Variants in ZNF469 observed in about 807,000 individuals in gnomAD.
The protein encoded by ZNF469 is zinc finger protein 469.
In ZNF469, 1 loss-of-function variant was observed where a neutral mutation model predicts 1.0. The observed-to-expected ratio is 1.00, with a 90% CI of 0.35 to 4.73. The LOEUF (loss-of-function observed/expected upper bound fraction) is 4.73. ZNF469 is among the 30% of genes most tolerant of loss of function. The pLI is 0.16. For synonymous variants in ZNF469, 2,703 were observed against 2,363.4 expected, an observed-to-expected ratio of 1.14 and a Z score of -4.17; for missense variants, 6,100 against 5,356.3, an observed-to-expected ratio of 1.14 and a Z score of -4.33.
At position 88,428,602 on chromosome 16, in the gene ZNF469, A is replaced by G. The variant is rs1261852925; in HGVS notation, c.1132A>G (p.Lys378Glu). ...TGACAGTTTACACAAGAGCCTGACC[A>G]AAATCCTTCCCGAAAGACCACCTTC... ...FSDSLHKSLT[K>E]ILPERPPSAQ... The change falls in exon 3 of 3, where the codon AAA becomes GAA. Residue 378 changes from lysine (K) to glutamate (E), a missense_variant. Coordinates refer to ENST00000565624, the MANE Select transcript of ZNF469 (RefSeq NM_001367624.2). The G allele has an allele frequency of 1.0e-5, 16 of 1,550,006 alleles. No homozygotes were observed. Among genetic ancestry groups the G allele is most frequent in the Non-Finnish European group, 1.4e-5 (16 of 1,146,834 alleles).
the ZNF469 span, among the ~76,000 whole-genome samples, chr16:88,358,328 G>C: frequency 1.3e-5 from 2 of 152,220 alleles, no homozygotes; most frequent in African/African-American, 4.8e-5. Context: ...CTTCCCACCC[G>C]GCCTCCAGGG....
In ZNF469 at chr16:88,427,487, C is replaced by T; in HGVS notation, c.17C>T (p.Pro6Leu). ...GGAGGGGCCATGCCTGGGGAGCGCC[C>T]CCGAGGAGCGCCGCCCCCCACCATG... MPGER[P>L]RGAPPPTMTG... The change falls in exon 3 of 3, where the codon CCC (proline) becomes CTC (leucine). Residue 6 changes from proline (P) to leucine (L), a missense_variant. Physicochemically the swap from Pro to Leu is moderately conservative, Grantham distance 98. Transcript: ENST00000565624. 1 of 1,524,408 alleles carries T rather than the reference C, an allele frequency of 6.6e-7. No homozygotes were observed. Among genetic ancestry groups the T allele is most frequent in the African/African-American group, 1.4e-5 (1 of 72,862 alleles). The allele number at this position is 1,524,408 out of a possible 1,614,324, so 94.4% of individuals were successfully genotyped here.
At chr16:88,353,128 G>T in the ZNF469 span, among the ~76,000 whole-genome samples, 1 of 152,266 alleles carries the variant, frequency 6.6e-6, no homozygotes, top group Non-Finnish European at 1.5e-5. Flanking sequence ...AGGGTGGGAT[G>T]GTCCAGAGAA....
the ZNF469 span, among the ~76,000 whole-genome samples, chr16:88,262,097 A>C: frequency 1.3e-5 from 2 of 152,304 alleles, no homozygotes; most frequent in Non-Finnish European, 2.9e-5. The surrounding 1 kb of genome is among the most constrained non-coding windows in gnomAD (Gnocchi z 4.3). Context: ...GGCTGCACCG[A>C]CGTTTCCACC....
At chr16:88,230,442 G>A in the ZNF469 span, among the ~76,000 whole-genome samples, 15 of 152,328 alleles carry the variant, frequency 9.8e-5, no homozygotes, top group South Asian at 3.1e-3. Context: ...AAGGGCTGAT[G>A]AGCAGGGGTC....
chr16:88,191,497 T>G, the ZNF469 span: 1 of 152,240 alleles, frequency 6.6e-6, no homozygotes, highest in Non-Finnish European at 1.5e-5. Flanking sequence ...ACATTTCTAA[T>G]GTATTTATTT....
Position 88,434,363 on chromosome 16 carries a change from A to C in ZNF469, c.6893A>C (p.Gln2298Pro), listed in dbSNP as rs1194498888. 1 of 1,549,932 alleles carries C rather than the reference A, an allele frequency of 6.5e-7. No individual in the cohort carries two copies. The highest frequency in any genetic ancestry group is 2.4e-5 in the East Asian group (1 of 40,932). ...LSSTPTGDEA[Q>P]AGRGLPGPDP... ...AGCACTCCCACCGGAGATGAGGCAC[A>C]GGCAGGCAGGGGACTCCCAGGGCCA... Residue 2298 changes from glutamine to proline, a missense_variant, in exon 3 of 3, where the codon CAG (glutamine) becomes CCG (proline). Physicochemically the swap from Gln to Pro is moderately conservative, Grantham distance 76. Transcript: ENST00000565624.
At chr16:88,140,137 A>G in the ZNF469 span, among the ~76,000 whole-genome samples, 3 of 152,240 alleles carry the variant, frequency 2.0e-5, no homozygotes, top group South Asian at 4.1e-4. Flanking sequence ...GTCATAATGA[A>G]AGTCCAGAGC....
Position 88,433,746 on chromosome 16 carries a change from G to T in ZNF469, c.6276G>T (p.Leu2092=). The change falls in exon 3 of 3, where the codon CTG becomes CTT. Residue 2092 remains leucine (L), a synonymous_variant. Coordinates refer to ENST00000565624, the MANE Select transcript of ZNF469 (RefSeq NM_001367624.2). ...CAGAGAGGGCGTCCAGCCCCGGCCT[G>T]AACAAGCCACTGCTGGCCACAGGGG... ...RTPERASSPG[L]NKPLLATGDS... The T allele has an allele frequency of 6.5e-7, 1 of 1,548,914 alleles. No individual in the cohort carries two copies. The highest frequency in any genetic ancestry group is 2.4e-5 in the East Asian group (1 of 40,916).
In ZNF469 at chr16:88,439,387, T is replaced by A; in HGVS notation, c.*55T>A. 1 of 1,539,870 alleles carries A rather than the reference T, an allele frequency of 6.5e-7. No individual in the cohort carries two copies. The highest frequency in any genetic ancestry group is 8.8e-7 in the Non-Finnish European group (1 of 1,138,284). On this transcript the variant is annotated 3_prime_UTR_variant, in exon 3 of 3. Transcript: ENST00000565624. ...CTGGGCGTTCCTGTCTCGGCCTGCC[T>A]CCTTGGCCAGCTCCGGCTCCCTGAG... is the stretch of plus-strand genomic sequence containing the variant.
chr16:88,381,206 A>G (rs2092523444), upstream of ZNF469, among the ~76,000 whole-genome samples: 1 of 53,160 alleles, frequency 1.9e-5, no homozygotes, highest in Non-Finnish European at 2.9e-5. Flanking sequence ...GCATTCACAG[A>G]CACACACACA....
the ZNF469 span, among the ~76,000 whole-genome samples, chr16:88,234,489 C>A: frequency 6.6e-6 from 1 of 152,244 alleles, no homozygotes; most frequent in African/African-American, 2.4e-5. Flanking sequence ...TGGGCTAAGC[C>A]AGTTTCCACC....
At chr16:88,202,413 T>C in the ZNF469 span, among the ~76,000 whole-genome samples, 1 of 152,110 alleles carries the variant, frequency 6.6e-6, no homozygotes, top group Non-Finnish European at 1.5e-5. Context: ...AGTCCTCTCC[T>C]TGCCATTCCA....
At chr16:88,238,476 G>A in the ZNF469 span, among the ~76,000 whole-genome samples, 1 of 150,502 alleles carries the variant, frequency 6.6e-6, no homozygotes, top group Non-Finnish European at 1.5e-5. Context: ...ATAGACCCTG[G>A]ATAGATAGAC....
At chr16:88,298,096 G>A in the ZNF469 span, among the ~76,000 whole-genome samples, 1 of 152,212 alleles carries the variant, frequency 6.6e-6, no homozygotes, top group Non-Finnish European at 1.5e-5. Flanking sequence ...CTTAAGACCA[G>A]AATTGCAGAT....
At chr16:88,326,598 G>C in the ZNF469 span, among the ~76,000 whole-genome samples, 2 of 152,174 alleles carry the variant, frequency 1.3e-5, no homozygotes. Context: ...GTTTCCCAGG[G>C]ACCACCCTCC....
the ZNF469 span, among the ~76,000 whole-genome samples, chr16:88,296,435 C>T: frequency 6.7e-6 from 1 of 149,280 alleles, no homozygotes; most frequent in Non-Finnish European, 1.5e-5. Flanking sequence ...CATACATGCA[C>T]ACTCACAGAC....
At chr16:88,271,166 T>C in the ZNF469 span, among the ~76,000 whole-genome samples, 759 of 151,904 alleles carry the variant, frequency 5.0e-3, 8 homozygotes, top group African/African-American at 0.017. Context: ...CTGCACAGAA[T>C]GCTCGAGCCC....
At chr16:88,339,793 T>A in the ZNF469 span, among the ~76,000 whole-genome samples, 1 of 44,698 alleles carries the variant, frequency 2.2e-5, no homozygotes. Flanking sequence ...GGCAGGGGGA[T>A]GGGGGGACAT....
Sources: allele counts gnomAD v4.1 joint callset (sites outside exome capture counted in the v4.1 genomes callset), GRCh38; gene constraint gnomAD v4.1.1; non-coding constraint Gnocchi (gnomAD v3.1); transcripts MANE v1.5; gene names NCBI Gene and HGNC (gene_info 2026-07-23, HGNC 2026-07-21).